RMDN2: variants seen among roughly 807,000 people sequenced by gnomAD.
The protein encoded by RMDN2 is regulator of microtubule dynamics protein 2.
RMDN2 carries 61 observed loss-of-function variants against 52.8 expected under a neutral mutation model. The observed-to-expected ratio is 1.16, with a 90% CI of 0.94 to 1.43. RMDN2 has a LOEUF of 1.43. Ranked by LOEUF, RMDN2 falls within the 40% of genes most tolerant of loss-of-function variation. The pLI, the probability that RMDN2 is intolerant of heterozygous loss-of-function variation, is 0.00. For missense variants in RMDN2, 592 were observed against 475.3 expected (o/e 1.25, Z -2.28); for synonymous variants, 180 against 153.1 (o/e 1.18, Z -1.30).
Position 37,974,218 on chromosome 2 carries a change from A to G in RMDN2, c.627+4A>G. 2 of 1,606,860 alleles carry G rather than the reference A, an allele frequency of 1.2e-6. No homozygotes were observed. Among genetic ancestry groups the G allele is most frequent in the Non-Finnish European group, 1.7e-6 (2 of 1,175,876 alleles). ...ACTTCGTGACCACAAAGAAAAGGTA[A>G]GAGACATAACAATAGCACTTCGTAT... On this transcript the variant is annotated splice_donor_region_variant and intron_variant, in intron 3 of 10. Transcript: ENST00000354545.
At chr2:37,960,731 C>G (rs1434024358) in intron 2 of RMDN2, among the ~76,000 whole-genome samples, 1 of 152,142 alleles carries the variant, frequency 6.6e-6, no homozygotes, top group African/African-American at 2.4e-5. Context: ...ATCCTGTCAT[C>G]ATGATTCCAG....
chr2:38,063,188 G>A (rs1199542995), intron 10 of RMDN2, among the ~76,000 whole-genome samples: 4 of 152,250 alleles, frequency 2.6e-5, no homozygotes, highest in Non-Finnish European at 4.4e-5. Context: ...CTCAGGAATC[G>A]CCACACTGAC....
At chr2:37,950,441 TG>T in intron 2 of RMDN2, 1 of 1,608,932 alleles carries the variant, frequency 6.2e-7, no homozygotes, top group Non-Finnish European at 8.5e-7. Context: ...CATCACATTC[TG>T]TGTTATTGCC....
At chr2:37,922,464 A>G (rs1208818113), upstream of RMDN2, among the ~76,000 whole-genome samples, 2 of 152,168 alleles carry the variant, frequency 1.3e-5, no homozygotes, top group African/African-American at 4.8e-5. Context: ...CATTACTATA[A>G]TGAAGGACTA....
intron 2 of RMDN2, among the ~76,000 whole-genome samples, chr2:37,948,726 G>C (rs1668436846): frequency 6.6e-6 from 1 of 152,082 alleles, no homozygotes. Flanking sequence ...CTTTTCTGAT[G>C]TCTGAGCAGA....
rs150487194 is a variant in RMDN2 at position 38,037,915 on chromosome 2, G to T, written c.1714-29067G>T. Among the ~76,000 whole-genome samples, 126 of 152,280 alleles carry T rather than the reference G, an allele frequency of 8.3e-4. 1 individual carries two copies. The highest frequency in any genetic ancestry group is 3.5e-3 in the East Asian group (18 of 5,170). ...GACTGCGTGAGCTGAGTCACATCCA[G>T]ATCGTTCAGTATGAGAATTTTAAGA... On this transcript the variant is annotated intron_variant, in intron 10 of 10. Coordinates refer to the RMDN2 transcript ENST00000234195.
At chr2:37,998,620 G>A (rs1675895741) in intron 8 of RMDN2, among the ~76,000 whole-genome samples, 1 of 152,162 alleles carries the variant, frequency 6.6e-6, no homozygotes, top group Non-Finnish European at 1.5e-5. Context: ...TGTAGATCAT[G>A]TAGTCTAGGT....
chr2:38,061,411 C>T (rs1682042520), intron 10 of RMDN2, among the ~76,000 whole-genome samples: 1 of 152,182 alleles, frequency 6.6e-6, no homozygotes, highest in Admixed American at 6.5e-5. Context: ...GATTATTTTA[C>T]TTCAGACTGC....
rs986464529 is a variant in RMDN2 at position 37,925,373 on chromosome 2, C to G, written c.-69C>G. 7.2e-5 allele frequency: 11 copies of G among 152,380 alleles called. No homozygotes were observed. Among genetic ancestry groups the G allele is most frequent in the African/African-American group, 2.4e-4 (10 of 41,458 alleles). 9.4% of individuals were successfully genotyped at this position (152,380 alleles called of 1,614,324 possible). A position where few individuals can be genotyped will look rare whatever the true frequency, so the allele number is the denominator to read the frequency against. On this transcript the variant is annotated 5_prime_UTR_variant, in exon 1 of 11. Transcript: ENST00000354545. The stretch of plus-strand genomic sequence containing the variant: ...CTGTCCGTCCGCCACTGCGCGCCAG[C>G]AGGTCCTGGTCTCCGCTCTCCAACA...
intron 2 of RMDN2, among the ~76,000 whole-genome samples, chr2:37,940,410 C>T (rs578172197): frequency 2.6e-5 from 4 of 152,124 alleles, no homozygotes; most frequent in African/African-American, 4.8e-5. Flanking sequence ...CTGTATTTCC[C>T]GAATTTGAAT....
Position 37,990,862 on chromosome 2 carries a change from A to T in RMDN2, c.868-358A>T, listed in dbSNP as rs112157138. 6.9e-3 allele frequency among the ~76,000 whole-genome samples: 1,058 copies of T among 152,308 alleles called. 6 individuals are homozygous for T. The highest frequency in any genetic ancestry group is 0.024 in the African/African-American group (1,002 of 41,572). ...ATCTAACTCTGCTATTTTTTCTGCC[A>T]TTATCCCCTATTCCATGTCATTTGA... On this transcript the variant is annotated intron_variant, in intron 6 of 10. Transcript: ENST00000354545.
rs1488320565 is a variant in RMDN2 at position 37,929,316 on chromosome 2, C to T, written c.39C>T (p.Ile13=). The T allele has an allele frequency of 1.9e-6, 3 of 1,547,322 alleles. No homozygotes were observed. Among genetic ancestry groups the T allele is most frequent in the African/African-American group, 1.4e-5 (1 of 72,844 alleles). ...YSTNKELILG[I]MVGTAGISLL... ...CAAACAAAGAGTTGATACTTGGCAT[C>T]ATGGTGGGCACTGCTGGAATCAGCT... is the stretch of plus-strand genomic sequence containing the variant. The change falls in exon 2 of 11, where the codon ATC becomes ATT. Residue 13 remains isoleucine, a synonymous_variant. Coordinates refer to ENST00000354545, the MANE Select transcript of RMDN2 (RefSeq NM_001170791.3).
At chr2:38,044,874 A>G (rs1177140634) in intron 10 of RMDN2, among the ~76,000 whole-genome samples, 2 of 152,234 alleles carry the variant, frequency 1.3e-5, no homozygotes, top group African/African-American at 4.8e-5. Context: ...TGTAGGAGTA[A>G]TGCCCAAGTA....
In RMDN2 at chr2:37,992,748, A is replaced by G. The variant is rs553339526; in HGVS notation, c.945+1451A>G. Among the ~76,000 whole-genome samples the G allele has an allele frequency of 4.6e-5, 7 of 152,344 alleles. No homozygotes were observed. In the East Asian group the frequency reaches 1.3e-3, roughly 29 times the overall value. On this transcript the variant is annotated intron_variant, in intron 7 of 10. Coordinates refer to ENST00000354545, the MANE Select transcript of RMDN2 (RefSeq NM_001170791.3). Reference sequence around the variant, plus strand: ...ATAAAAAGCAGTAGTAATAATGGCTAATGTGTACGTGGCTCTTGTAAGCAT... The same window carrying G: ...ATAAAAAGCAGTAGTAATAATGGCTGATGTGTACGTGGCTCTTGTAAGCAT...
intron 2 of RMDN2, among the ~76,000 whole-genome samples, chr2:37,970,758 G>A (rs1671703411): frequency 6.6e-6 from 1 of 152,010 alleles, no homozygotes; most frequent in South Asian, 2.1e-4. Context: ...TTGAGTTTTT[G>A]TTCTTATAAA....
intron 2 of RMDN2, among the ~76,000 whole-genome samples, chr2:37,948,122 G>A (rs989161764): frequency 1.6e-4 from 25 of 152,216 alleles, no homozygotes; most frequent in African/African-American, 4.6e-4. Flanking sequence ...AGCAACATCA[G>A]CATCCAGTCT....
chr2:37,970,325 CTCA>C (rs1323544071), intron 2 of RMDN2, among the ~76,000 whole-genome samples: 1 of 152,122 alleles, frequency 6.6e-6, no homozygotes, highest in Non-Finnish European at 1.5e-5. Flanking sequence ...TCAGATAGGT[CTCA>C]TCTGTTGCGC....
At chr2:38,020,495 C>T (rs980000123), downstream of RMDN2, among the ~76,000 whole-genome samples, 1 of 152,244 alleles carries the variant, frequency 6.6e-6, no homozygotes, top group African/African-American at 2.4e-5. Flanking sequence ...CTCCCTCAGC[C>T]TGCGGGGAGG....
intron 2 of RMDN2, among the ~76,000 whole-genome samples, chr2:37,938,489 CT>C: frequency 6.6e-6 from 1 of 152,150 alleles, no homozygotes; most frequent in Non-Finnish European, 1.5e-5. Flanking sequence ...CACTTTGTAC[CT>C]CTGGTAGAAT....
Sources: gnomAD v4.1 joint callset for allele counts (sites outside exome capture counted in the v4.1 genomes callset) on GRCh38, gnomAD v4.1.1 for gene constraint, MANE v1.5 for transcripts, NCBI Gene and HGNC (gene_info 2026-07-23, HGNC 2026-07-21) for gene names.